PRKCQ: variants seen among roughly 807,000 people sequenced by gnomAD.
PRKCQ encodes protein kinase C theta type.
Under a neutral mutation model 91.2 loss-of-function variants are expected in PRKCQ, and 41 were observed. The observed-to-expected ratio is 0.45, with a 90% CI of 0.35 to 0.58. The LOEUF is 0.58. PRKCQ is among the 20% of genes least tolerant of loss of function. PRKCQ has a pLI of 0.00. For synonymous variants in PRKCQ, 307 were observed against 316.9 expected (o/e 0.97, Z 0.33); for missense variants, 673 against 896.5 (o/e 0.75, Z 3.18).
At chr10:6,520,457 C>T (rs1464161131) in intron 1 of PRKCQ, among the ~76,000 whole-genome samples, 1 of 152,198 alleles carries the variant, frequency 6.6e-6, no homozygotes, top group Non-Finnish European at 1.5e-5. Context: ...ATGCTCCAGC[C>T]TGAATGATCT....
chr10:6,481,841 C>T (rs1215013200), intron 11 of PRKCQ, among the ~76,000 whole-genome samples: 3 of 152,040 alleles, frequency 2.0e-5, no homozygotes, highest in South Asian at 2.1e-4. Context: ...ATAGGAGCCC[C>T]GTTAATACAT....
At chr10:6,466,111 C>A in intron 12 of PRKCQ, among the ~76,000 whole-genome samples, 1 of 152,232 alleles carries the variant, frequency 6.6e-6, no homozygotes, top group Admixed American at 6.5e-5. Flanking sequence ...GAGAGCAAAG[C>A]GTATGAAAGT....
intron 16 of PRKCQ, among the ~76,000 whole-genome samples, chr10:6,436,100 C>T (rs555845313): frequency 3.9e-5 from 6 of 152,204 alleles, no homozygotes; most frequent in Non-Finnish European, 4.4e-5. Context: ...GGTGACAGAG[C>T]GACACTCTGT....
At chr10:6,477,132 G>A (rs1836309782) in intron 12 of PRKCQ, among the ~76,000 whole-genome samples, 1 of 152,132 alleles carries the variant, frequency 6.6e-6, no homozygotes, top group East Asian at 1.9e-4. Flanking sequence ...CACCTTTCAT[G>A]CCCAAGGCCC....
chr10:6,425,605 GCA>G (rs1473846425), downstream of PRKCQ, among the ~76,000 whole-genome samples: 2 of 152,002 alleles, frequency 1.3e-5, no homozygotes, highest in South Asian at 4.1e-4. Context: ...CAAGTACTTC[GCA>G]CACTCAGAAA....
chr10:6,519,825 C>G (rs1838927660), intron 1 of PRKCQ, among the ~76,000 whole-genome samples: 1 of 152,148 alleles, frequency 6.6e-6, no homozygotes, highest in Admixed American at 6.5e-5. Context: ...ATAGATTTTT[C>G]CCCAAAGCTT....
chr10:6,416,799 C>T, the PRKCQ span, among the ~76,000 whole-genome samples: 2 of 152,296 alleles, frequency 1.3e-5, no homozygotes, highest in South Asian at 4.1e-4. Context: ...CACTGTTTTC[C>T]ACAGTGGTTG....
At position 6,465,470 on chromosome 10, in the gene PRKCQ, T is replaced by C. The variant is rs562110934; in HGVS notation, c.1354-1066A>G. 5.9e-5 allele frequency among the ~76,000 whole-genome samples: 9 copies of C among 152,318 alleles called. No homozygotes were observed. Among genetic ancestry groups the C allele is most frequent in the Non-Finnish European group, 2.9e-5 (2 of 68,028 alleles). On this transcript the variant is annotated intron_variant, in intron 12 of 17. Coordinates refer to ENST00000263125, the MANE Select transcript of PRKCQ (RefSeq NM_006257.5). The surrounding 1 kb of genome is among the most constrained non-coding windows in gnomAD (Gnocchi z 4.4). Reference sequence around the variant, plus strand: ...GCAACTCAATGATGTGAGACAATTTTTTTTTCCAATAAATGTATTTATAAC... The same window carrying C: ...GCAACTCAATGATGTGAGACAATTTCTTTTTCCAATAAATGTATTTATAAC...
In PRKCQ at chr10:6,497,757, A is replaced by C. The variant is rs1044347866; in HGVS notation, c.543-506T>G. 3.3e-5 allele frequency among the ~76,000 whole-genome samples: 5 copies of C among 152,232 alleles called. No homozygotes were observed. The highest frequency in any genetic ancestry group is 7.3e-5 in the Non-Finnish European group (5 of 68,036). Reference sequence around the variant, plus strand: ...GTGATTAGACGAAAGCAGGCTGATGAAAACCCGCCAAGTCGATCTGGCATG... The same window carrying C: ...GTGATTAGACGAAAGCAGGCTGATGCAAACCCGCCAAGTCGATCTGGCATG... On this transcript the variant is annotated intron_variant, in intron 5 of 17. Transcript: ENST00000263125. The surrounding 1 kb of genome is among the most constrained non-coding windows in gnomAD (Gnocchi z 4.5).
the PRKCQ span, among the ~76,000 whole-genome samples, chr10:6,405,129 A>C: frequency 1.3e-5 from 2 of 152,034 alleles, no homozygotes. Flanking sequence ...CCACAGGTGC[A>C]CGCCACCACA....
Position 6,456,722 on chromosome 10 carries a change from A to C in PRKCQ, c.1599T>G (p.Asp533Glu), listed in dbSNP as rs889551636. 1.6e-5 allele frequency: 26 copies of C among 1,614,060 alleles called. 1 individual carries two copies. The highest frequency in any genetic ancestry group is 1.2e-4 in the Admixed American group (7 of 60,000). ...TCCCACAGAAGGTATTCGTCTTGGCATCTCCTAACATGTTCTCCTTGCACA... is the reference window on the plus strand; with the variant it reads ...TCCCACAGAAGGTATTCGTCTTGGCCTCTCCTAACATGTTCTCCTTGCACA... ...FGMCKENMLG[D>E]AKTNTFCGTP... Residue 533 changes from aspartate (D) to glutamate (E), a missense_variant, in exon 15 of 18, where the codon GAT becomes GAG. Transcript: ENST00000263125.
chr10:6,424,973 C>T (rs769516048), downstream of PRKCQ, among the ~76,000 whole-genome samples: 21 of 152,244 alleles, frequency 1.4e-4, no homozygotes, highest in Non-Finnish European at 2.5e-4. Flanking sequence ...ATGAGAGGAC[C>T]GGCATCGAAG....
At chr10:6,426,376 A>G (rs1043504953), downstream of PRKCQ, among the ~76,000 whole-genome samples, 1 of 152,188 alleles carries the variant, frequency 6.6e-6, no homozygotes, top group Non-Finnish European at 1.5e-5. Context: ...CCTGCCCTCC[A>G]CTGGCCCATC....
the PRKCQ span, among the ~76,000 whole-genome samples, chr10:6,402,371 C>CAAAAAAA: frequency 3.0e-5 from 2 of 66,572 alleles, no homozygotes; most frequent in African/African-American, 6.1e-5. Flanking sequence ...ATTTCAATGC[C>CAAAAAAA]AAAAAAAAAA....
At chr10:6,401,348 CAAAT>C in the PRKCQ span, among the ~76,000 whole-genome samples, 145 of 152,300 alleles carry the variant, frequency 9.5e-4, 2 homozygotes, top group Admixed American at 2.9e-3. Flanking sequence ...GCTCTGTACT[CAAAT>C]AAACCCCATA....
chr10:6,559,841 T>G (rs966908752), intron 1 of PRKCQ, among the ~76,000 whole-genome samples: 25 of 152,048 alleles, frequency 1.6e-4, no homozygotes, highest in Non-Finnish European at 3.4e-4. Context: ...GTGTGTTTGT[T>G]TTTATTGATA....
chr10:6,417,029 C>T, the PRKCQ span, among the ~76,000 whole-genome samples: 2 of 152,318 alleles, frequency 1.3e-5, no homozygotes, highest in East Asian at 3.9e-4. Flanking sequence ...CTAGACACCA[C>T]TCCTGTAATG....
chr10:6,455,815 TGGG>T (rs1834972056), intron 15 of PRKCQ, among the ~76,000 whole-genome samples: 6 of 152,188 alleles, frequency 3.9e-5, no homozygotes, highest in African/African-American at 1.4e-4. Context: ...AGGGCACAGT[TGGG>T]AGATATTTCT....
chr10:6,520,675 C>T (rs144286371), intron 1 of PRKCQ, among the ~76,000 whole-genome samples: 46 of 152,270 alleles, frequency 3.0e-4, no homozygotes, highest in African/African-American at 1.1e-3. Flanking sequence ...CCCATCAACA[C>T]ATCTCCATGG....
Sources: gnomAD v4.1 joint callset for allele counts (sites outside exome capture counted in the v4.1 genomes callset) on GRCh38, gnomAD v4.1.1 for gene constraint, Gnocchi (gnomAD v3.1) non-coding constraint, MANE v1.5 for transcripts, NCBI Gene and HGNC (gene_info 2026-07-23, HGNC 2026-07-21) for gene names.